KIAA1958: variants seen among roughly 807,000 people sequenced by gnomAD.
KIAA1958 encodes KIAA1958.
KIAA1958 carries 14 observed loss-of-function variants against 47.2 expected under a neutral mutation model. The observed-to-expected ratio is 0.30, with a 90% CI of 0.20 to 0.46. The LOEUF is 0.46. Ranked by LOEUF, KIAA1958 falls within the 20% of genes least tolerant of loss-of-function variation. The pLI, the probability that KIAA1958 is intolerant of heterozygous loss-of-function variation, is 1.00. For missense variants in KIAA1958, 803 were observed against 909.2 expected, an observed-to-expected ratio of 0.88 and a Z score of 1.50; for synonymous variants, 354 against 353.3, an observed-to-expected ratio of 1.00 and a Z score of -0.02.
At chr9:112,502,663 A>T (rs912954894) in intron 1 of KIAA1958, among the ~76,000 whole-genome samples, 12 of 152,248 alleles carry the variant, frequency 7.9e-5, no homozygotes, top group African/African-American at 2.9e-4. Flanking sequence ...GCACAAAAAC[A>T]TTCAATGAAG....
rs115724124 is a variant in KIAA1958, at chr9:112,555,631, G to T, written c.-24-18426G>T. ...CTCGTCTTCTCACAGTATGCTCACA[G>T]TATGCTCGCATGGCAGAAGGGGCAG... is the stretch of plus-strand genomic sequence containing the variant. On this transcript the variant is annotated intron_variant, in intron 1 of 3. Coordinates refer to ENST00000337530, the MANE Select transcript of KIAA1958 (RefSeq NM_133465.4). Among the ~76,000 whole-genome samples the T allele has an allele frequency of 1.6e-3, 240 of 152,328 alleles. 1 individual carries two copies. The highest frequency in any genetic ancestry group is 5.0e-3 in the South Asian group (24 of 4,830).
At chr9:112,603,892 C>T (rs1836178489) in intron 2 of KIAA1958, among the ~76,000 whole-genome samples, 1 of 152,166 alleles carries the variant, frequency 6.6e-6, no homozygotes, top group African/African-American at 2.4e-5. Context: ...TTAATAAGCT[C>T]ATGGACTTAT....
At chr9:112,555,296 T>G (rs775303400) in intron 1 of KIAA1958, among the ~76,000 whole-genome samples, 4 of 152,098 alleles carry the variant, frequency 2.6e-5, no homozygotes, top group Non-Finnish European at 5.9e-5. Flanking sequence ...TGAGTGTCAT[T>G]TATAGTTTTA....
intron 2 of KIAA1958, among the ~76,000 whole-genome samples, chr9:112,611,754 C>A (rs1836331555): frequency 1.3e-5 from 2 of 151,888 alleles, no homozygotes; most frequent in African/African-American, 4.8e-5. Context: ...ATTTGTTATA[C>A]AAAAGTTTTA....
intron 1 of KIAA1958, among the ~76,000 whole-genome samples, chr9:112,567,939 G>T (rs1354316479): frequency 1.2e-4 from 13 of 112,934 alleles, no homozygotes; most frequent in Admixed American, 2.6e-4. Flanking sequence ...CAGCCTGGGC[G>T]ACAGAGCGAG....
At chr9:112,509,524 G>A (rs1259352103) in intron 1 of KIAA1958, among the ~76,000 whole-genome samples, 1 of 152,214 alleles carries the variant, frequency 6.6e-6, no homozygotes, top group Non-Finnish European at 1.5e-5. Context: ...CTGAAGGCCT[G>A]CAGGTTAAGT....
chr9:112,659,166 A>G, intron 3 of KIAA1958, 97 bp from the exon 4 acceptor site: 1 of 972,430 alleles, frequency 1.0e-6, no homozygotes, highest in Non-Finnish European at 1.5e-6. Flanking sequence ...GGGGTCACAG[A>G]ATGTCCTCAA....
chr9:112,539,295 G>A (rs188495924), intron 1 of KIAA1958, among the ~76,000 whole-genome samples: 4 of 152,316 alleles, frequency 2.6e-5, no homozygotes, highest in Admixed American at 1.3e-4. Flanking sequence ...CAACCCAGAT[G>A]TCTATCAGCT....
chr9:112,643,141 C>G (rs560801667), intron 2 of KIAA1958, among the ~76,000 whole-genome samples: 1 of 152,318 alleles, frequency 6.6e-6, no homozygotes, highest in South Asian at 2.1e-4. Flanking sequence ...TAAGCACAAG[C>G]TAGTATCTAA....
At chr9:112,517,437 A>G (rs965297068) in intron 1 of KIAA1958, among the ~76,000 whole-genome samples, 4 of 152,362 alleles carry the variant, frequency 2.6e-5, no homozygotes, top group Admixed American at 6.5e-5. Flanking sequence ...TGTACCATAT[A>G]TAAAAGTTAA....
intron 1 of KIAA1958, among the ~76,000 whole-genome samples, chr9:112,504,714 G>A (rs1178427133): frequency 6.6e-6 from 1 of 152,066 alleles, no homozygotes; most frequent in Non-Finnish European, 1.5e-5. Flanking sequence ...AGTCTGTTTT[G>A]TCCAAATTTT....
At chr9:112,626,153 A>G (rs998563124) in intron 2 of KIAA1958, among the ~76,000 whole-genome samples, 1 of 152,196 alleles carries the variant, frequency 6.6e-6, no homozygotes, top group Non-Finnish European at 1.5e-5. Context: ...TAAAGGGGAA[A>G]AATGGTAACT....
chr9:112,494,594 A>T (rs894170877), intron 1 of KIAA1958, among the ~76,000 whole-genome samples: 1 of 151,696 alleles, frequency 6.6e-6, no homozygotes, highest in Admixed American at 6.6e-5. Flanking sequence ...TTTAGCCCCA[A>T]GTAGCTGGGA....
At chr9:112,644,214 A>G (rs891793154) in intron 2 of KIAA1958, among the ~76,000 whole-genome samples, 1 of 151,864 alleles carries the variant, frequency 6.6e-6, no homozygotes, top group Non-Finnish European at 1.5e-5. Flanking sequence ...AAAAACAACC[A>G]TGTGAAGATT....
At chr9:112,596,505 A>G (rs990425746) in intron 2 of KIAA1958, among the ~76,000 whole-genome samples, 4 of 152,184 alleles carry the variant, frequency 2.6e-5, no homozygotes, top group Non-Finnish European at 5.9e-5. Context: ...TGTTTTGCCT[A>G]TACTTATAAA....
rs528865240 is a variant in KIAA1958 at position 112,592,377 on chromosome 9, AAGCAGTAT to A, written c.1171+17133_1171+17140del. Among the ~76,000 whole-genome samples, 6 of 152,300 alleles carry A rather than the reference AAGCAGTAT, an allele frequency of 3.9e-5. No homozygotes were observed. The South Asian group carries it at 1.2e-3, about 32-fold the overall frequency. On this transcript the variant is annotated intron_variant, in intron 2 of 3. Coordinates refer to ENST00000337530, the MANE Select transcript of KIAA1958 (RefSeq NM_133465.4). ...GAGGGAGACCCTGTCTCAAAGAAAG[AAGCAGTAT>A]AGCAGTTAAGCATAGAATTTAGATA...
At chr9:112,539,247 A>G (rs1834901186) in intron 1 of KIAA1958, among the ~76,000 whole-genome samples, 2 of 152,206 alleles carry the variant, frequency 1.3e-5, no homozygotes, top group Admixed American at 1.3e-4. Flanking sequence ...TTGTGTGTGA[A>G]TTCTCATAGT....
intron 2 of KIAA1958, among the ~76,000 whole-genome samples, chr9:112,611,430 T>G (rs889664223): frequency 6.6e-6 from 1 of 151,826 alleles, no homozygotes; most frequent in African/African-American, 2.4e-5. Context: ...TATATACAAT[T>G]AACAGTTAGA....
intron 1 of KIAA1958, among the ~76,000 whole-genome samples, chr9:112,512,459 T>TA (rs372602591): frequency 1.3e-3 from 192 of 149,538 alleles, no homozygotes; most frequent in Middle Eastern, 3.4e-3. Flanking sequence ...TATTCCTGAT[T>TA]AAAAAAAAAA....
Sources: gnomAD v4.1 joint callset for allele counts (sites outside exome capture counted in the v4.1 genomes callset) on GRCh38, gnomAD v4.1.1 for gene constraint, MANE v1.5 for transcripts, NCBI Gene and HGNC (gene_info 2026-07-23, HGNC 2026-07-21) for gene names.